Variants in HDAC9 observed in about 807,000 individuals in gnomAD.
HDAC9 encodes MEF-2 interacting transcription repressor (MITR) protein.
In HDAC9, 41 loss-of-function variants were observed where a neutral mutation model predicts 139.4. The observed-to-expected ratio is 0.29, with a 90% confidence interval of 0.23 to 0.38. HDAC9 has a LOEUF of 0.38. HDAC9 is among the 10% of genes least tolerant of loss of function. HDAC9 has a pLI of 1.00. For missense variants in HDAC9, 1,147 were observed against 1,297.0 expected, an observed-to-expected ratio of 0.88 and a Z score of 1.78; for synonymous variants, 517 against 476.2, an observed-to-expected ratio of 1.09 and a Z score of -1.12.
In HDAC9 at chr7:18,186,472, C is replaced by G. The variant is rs186488180; in HGVS notation, c.25+24123C>G. Among the ~76,000 whole-genome samples, 4 of 152,320 alleles carry G rather than the reference C, an allele frequency of 2.6e-5. No homozygotes were observed. In the East Asian group the frequency reaches 7.7e-4, roughly 29 times the overall value. On this transcript the variant is annotated intron_variant, in intron 2 of 12. Transcript: ENST00000417496. ...GTTGGGTTTTAAGGAAGGAGCATGA[C>G]ACTCAAAAATTCCCAAAGCCCATAA...
At chr7:18,375,482 C>CA (rs199576211) in intron 1 of HDAC9, among the ~76,000 whole-genome samples, 11,427 of 148,804 alleles carry the variant, frequency 0.077, 685 homozygotes, top group East Asian at 0.24. Context: ...ACAACAACAA[C>CA]AACAAAAAAA....
intron 8 of HDAC9, among the ~76,000 whole-genome samples, chr7:18,638,906 ACCTATC>A (rs1399153750): frequency 1.3e-5 from 2 of 151,824 alleles, no homozygotes; most frequent in African/African-American, 2.4e-5. Flanking sequence ...GGATGTCTTT[ACCTATC>A]TAGTTACTTT....
intron 11 of HDAC9, among the ~76,000 whole-genome samples, chr7:18,650,262 A>AT (rs1239149604): frequency 2.0e-5 from 3 of 152,096 alleles, no homozygotes; most frequent in East Asian, 1.9e-4. Flanking sequence ...TAGGGATCGT[A>AT]TTTTTTTGCC....
intron 12 of HDAC9, among the ~76,000 whole-genome samples, chr7:18,704,256 T>A (rs1021858450): frequency 6.6e-6 from 1 of 152,248 alleles, no homozygotes; most frequent in Non-Finnish European, 1.5e-5. Context: ...GTGTGTATAC[T>A]GTCTCTACTT....
At chr7:18,871,938 A>C (rs186590595) in intron 21 of HDAC9, among the ~76,000 whole-genome samples, 125 of 152,290 alleles carry the variant, frequency 8.2e-4, no homozygotes, top group African/African-American at 2.9e-3. Context: ...CTTTAGACCA[A>C]GACGGTGTTT....
chr7:18,929,733 C>A (rs979881116), intron 22 of HDAC9, among the ~76,000 whole-genome samples: 1 of 152,100 alleles, frequency 6.6e-6, no homozygotes, highest in African/African-American at 2.4e-5. Context: ...GTCAAGAGAT[C>A]GAGACTATCC....
At chr7:18,477,406 C>CGTGT (rs879309051) in intron 1 of HDAC9, among the ~76,000 whole-genome samples, 197 of 152,064 alleles carry the variant, frequency 1.3e-3, no homozygotes, top group African/African-American at 4.3e-3. Flanking sequence ...TGCGTGCGTG[C>CGTGT]ATGCGTGTGT....
At position 18,480,493 on chromosome 7, in the gene HDAC9, A is replaced by G. The variant is rs113007645; in HGVS notation, c.-41-15769A>G. Among the ~76,000 whole-genome samples, 1,302 of 152,290 alleles carry G rather than the reference A, an allele frequency of 8.5e-3. 18 individuals are homozygous for G. Among genetic ancestry groups the G allele is most frequent in the African/African-American group, 0.029 (1,224 of 41,574 alleles). ...GGGGCCATAGAGCAACTGCTGTGCC[A>G]GAAAGTTTGTAGGGAGGGAGAGTGG... On this transcript the variant is annotated intron_variant, in intron 1 of 3. Coordinates refer to the HDAC9 transcript ENST00000413509.
intron 1 of HDAC9, among the ~76,000 whole-genome samples, chr7:18,317,979 A>T (rs951427436): frequency 8.5e-5 from 13 of 152,186 alleles, no homozygotes; most frequent in Non-Finnish European, 1.3e-4. Context: ...GTCTTGCCCT[A>T]CTTAAACTCC....
At chr7:18,409,037 C>G (rs1371399711) in intron 1 of HDAC9, among the ~76,000 whole-genome samples, 1 of 152,112 alleles carries the variant, frequency 6.6e-6, no homozygotes, top group Non-Finnish European at 1.5e-5. Context: ...TTCTGATATG[C>G]GTTTGTGTGC....
At position 18,460,048 on chromosome 7, in the gene HDAC9, T is replaced by C. The variant is rs556996643; in HGVS notation, c.-41-36214T>C. On this transcript the variant is annotated intron_variant, in intron 1 of 3. Coordinates refer to the HDAC9 transcript ENST00000413509. ...AATCTTCCCACCTCAGCCTCTTGGG[T>C]AGCCGGGACTACAGACATGTACTAC... Among the ~76,000 whole-genome samples, 4 of 151,482 alleles carry C rather than the reference T, an allele frequency of 2.6e-5. No individual in the cohort carries two copies. In the South Asian group the frequency reaches 6.3e-4, roughly 24 times the overall value.
At chr7:18,732,554 T>TAA in intron 13 of HDAC9, among the ~76,000 whole-genome samples, 1 of 124,850 alleles carries the variant, frequency 8.0e-6, no homozygotes, top group Admixed American at 7.6e-5. Flanking sequence ...ATAATGTATA[T>TAA]ACACACGTGT....
intron 1 of HDAC9, among the ~76,000 whole-genome samples, chr7:18,318,575 T>C (rs1161780712): frequency 6.6e-6 from 1 of 152,198 alleles, no homozygotes; most frequent in East Asian, 1.9e-4. Flanking sequence ...AGCATCTGGA[T>C]TTTTAAACTG....
chr7:18,988,697 T>TAAGTC (rs1785594552), intron 25 of HDAC9, among the ~76,000 whole-genome samples: 1 of 151,126 alleles, frequency 6.6e-6, no homozygotes, highest in East Asian at 1.9e-4. Flanking sequence ...TGTGGGAGTC[T>TAAGTC]AAGTCTCTTT....
At chr7:18,198,117 G>A (rs1470026909) in intron 2 of HDAC9, among the ~76,000 whole-genome samples, 1 of 151,890 alleles carries the variant, frequency 6.6e-6, no homozygotes, top group Non-Finnish European at 1.5e-5. Context: ...TTTTTTGAAT[G>A]TTTTATTTAT....
chr7:18,733,260 A>ATATATACACAGGTATATATGTG (rs1351726689), intron 13 of HDAC9, among the ~76,000 whole-genome samples: 1 of 142,082 alleles, frequency 7.0e-6, no homozygotes, highest in Non-Finnish European at 1.5e-5. Flanking sequence ...TATATAATGT[A>ATATATACACAGGTATATATGTG]TATATACACA....
At chr7:18,808,951 T>G (rs1301714666) in intron 17 of HDAC9, among the ~76,000 whole-genome samples, 2 of 152,054 alleles carry the variant, frequency 1.3e-5, no homozygotes, top group African/African-American at 2.4e-5. Flanking sequence ...GTGGCAGAGC[T>G]ATAATAATCA....
chr7:18,569,959 T>G (rs544117684), intron 2 of HDAC9, among the ~76,000 whole-genome samples: 1 of 152,330 alleles, frequency 6.6e-6, no homozygotes, highest in Non-Finnish European at 1.5e-5. Flanking sequence ...TGTTACTACT[T>G]TCTTCAATTA....
chr7:18,757,068 TG>T (rs938658116), intron 14 of HDAC9, among the ~76,000 whole-genome samples: 6 of 152,198 alleles, frequency 3.9e-5, no homozygotes, highest in African/African-American at 1.4e-4. Flanking sequence ...CATATTTTTA[TG>T]TTTTTTTTTA....
Sources: allele counts gnomAD v4.1 joint callset (sites outside exome capture counted in the v4.1 genomes callset), GRCh38; gene constraint gnomAD v4.1.1; transcripts MANE v1.5; gene names NCBI Gene and HGNC (gene_info 2026-07-23, HGNC 2026-07-21).